Variants in PSG1 observed in about 807,000 individuals in gnomAD.
PSG1 encodes the protein pregnancy-specific beta-1-glycoprotein 1.
In PSG1, 60 loss-of-function variants were observed where a neutral mutation model predicts 41.4. That is an observed-to-expected ratio of 1.45 (90% CI 1.18 to 1.80). PSG1 has a LOEUF of 1.80. Among genes scored for constraint, PSG1 ranks in the 40% most tolerant of loss-of-function variants. PSG1 has a pLI of 0.00. For missense variants in PSG1, 806 were observed against 516.9 expected (o/e 1.56, Z -5.42); for synonymous variants, 256 against 192.9 (o/e 1.33, Z -2.71).
In PSG1 at chr19:42,879,593, C is replaced by G. The variant is rs1327476045; in HGVS notation, c.-12G>C. 4 of 1,609,664 alleles carry G rather than the reference C, an allele frequency of 2.5e-6. No homozygotes were observed. The highest frequency in any genetic ancestry group is 1.3e-5 in the African/African-American group (1 of 74,574). On this transcript the variant is annotated 5_prime_UTR_variant, in exon 1 of 6. Transcript: ENST00000436291. ...GAGAGGGTTCCCATGGTCTCTGCTGCTTGTGTGTTCTCCTCTGTGGAGATA... is the reference window on the plus strand; with the variant it reads ...GAGAGGGTTCCCATGGTCTCTGCTGGTTGTGTGTTCTCCTCTGTGGAGATA...
In PSG1 at chr19:42,866,893, G is replaced by A. The variant is rs1377176581; in HGVS notation, c.*241C>T. 17 of 661,296 alleles carry A rather than the reference G, an allele frequency of 2.6e-5. 2 individuals are homozygous for A. The South Asian group carries it at 2.8e-4, about 11-fold the overall frequency. 41.0% of individuals were successfully genotyped at this position (661,296 alleles called of 1,614,324 possible). On this transcript the variant is annotated 3_prime_UTR_variant, in exon 6 of 6. Coordinates refer to ENST00000436291, the MANE Select transcript of PSG1 (RefSeq NM_001184825.2). ...TGGGGAGTCTTGTTCTGACATCTTG[G>A]GAAAAACTGTCCACAGTGTGAAGTC...
chr19:42,869,469 G>C (rs1445858557), intron 3 of PSG1: 8 of 218,540 alleles, frequency 3.7e-5, no homozygotes, highest in Non-Finnish European at 2.7e-5. Context: ...GGACATTCTA[G>C]AGATGAGTAA....
intron 1 of PSG1, among the ~76,000 whole-genome samples, chr19:42,879,302 A>C (rs916324026): frequency 6.6e-6 from 1 of 151,104 alleles, no homozygotes; most frequent in East Asian, 2.0e-4. Flanking sequence ...ATAGGAGCAC[A>C]CCACCATACC....
chr19:42,868,063 C>A (rs376621024), intron 5 of PSG1, 38 bp downstream of exon 5: 8 of 1,612,010 alleles, frequency 5.0e-6, no homozygotes, highest in South Asian at 2.2e-5. Context: ...TAGACTCCAC[C>A]TAAAACCCTA....
intron 1 of PSG1, chr19:42,878,573 A>C (rs1690132129): frequency 2.4e-6 from 1 of 416,604 alleles, no homozygotes; most frequent in African/African-American, 2.3e-5. Context: ...AGGGGTCCGC[A>C]TGGCCCCCTC....
intron 2 of PSG1, among the ~76,000 whole-genome samples, chr19:42,873,720 G>A (rs553424262): frequency 2.6e-5 from 4 of 151,626 alleles, no homozygotes; most frequent in South Asian, 4.2e-4. Context: ...GGACCGAACT[G>A]GTCAGTGCAT....
At chr19:42,867,371 T>C in intron 5 of PSG1, 1 of 587,902 alleles carries the variant, frequency 1.7e-6, no homozygotes, top group Non-Finnish European at 3.0e-6. Flanking sequence ...CAATGGACCA[T>C]GTAGGCTGTC....
chr19:42,871,023 T>G (rs1456934992), intron 3 of PSG1, among the ~76,000 whole-genome samples: 1 of 151,530 alleles, frequency 6.6e-6, no homozygotes, highest in Non-Finnish European at 1.5e-5. Flanking sequence ...TCCCTCTCCC[T>G]TTGCAGAGGG....
rs752863659 is a variant in PSG1, at chr19:42,871,804, A to T, written c.672T>A (p.Ser224Arg). 5 of 1,612,358 alleles carry T rather than the reference A, an allele frequency of 3.1e-6. No homozygotes were observed. Among genetic ancestry groups the T allele is most frequent in the African/African-American group, 2.7e-5 (2 of 74,666 alleles). The change falls in exon 3 of 6, where the codon AGT (serine) becomes AGA (arginine). Residue 224 changes from serine (S) to arginine (R), a missense_variant. Physicochemically the swap from Ser to Arg is moderately radical, Grantham distance 110. Coordinates refer to ENST00000436291, the MANE Select transcript of PSG1 (RefSeq NM_001184825.2). Reference protein sequence around the residue: ...PYECEIRNPVSASRSDPVTLN... With the variant: ...PYECEIRNPVRASRSDPVTLN... ...GGGTGACTGGGTCACTGCGGCTGGC[A>T]CTCACTGGGTTCCGTATTTCACATT...
intron 2 of PSG1, among the ~76,000 whole-genome samples, chr19:42,877,337 C>A (rs1327947021): frequency 1.3e-5 from 2 of 151,638 alleles, no homozygotes; most frequent in Non-Finnish European, 2.9e-5. Context: ...GTGAAGAAAG[C>A]TCTGTCCTGG....
intron 2 of PSG1, among the ~76,000 whole-genome samples, chr19:42,873,400 G>A (rs1971474907): frequency 6.6e-6 from 1 of 151,568 alleles, no homozygotes; most frequent in Non-Finnish European, 1.5e-5. Flanking sequence ...TGGATTTCTG[G>A]ATTTCCGATG....
intron 5 of PSG1, 46 bp downstream of exon 5, chr19:42,868,055 G>T: frequency 6.2e-7 from 1 of 1,612,068 alleles, no homozygotes. Flanking sequence ...ATGCCAGATA[G>T]ACTCCACCTA....
Position 42,879,629 on chromosome 19 carries a change from C to T in PSG1, c.-48G>A. The T allele has an allele frequency of 6.2e-7, 1 of 1,603,550 alleles. No homozygotes were observed. Among genetic ancestry groups the T allele is most frequent in the Non-Finnish European group, 8.5e-7 (1 of 1,174,048 alleles). ...TCCTCTGTGGAGATAAGCCTAGGAT[C>T]CAGAAACTCTCTGAGCACGGCTGTC... is the stretch of plus-strand genomic sequence containing the variant. On this transcript the variant is annotated 5_prime_UTR_variant, in exon 1 of 6. Transcript: ENST00000436291.
At chr19:42,875,515 G>A (rs1039901585) in intron 2 of PSG1, among the ~76,000 whole-genome samples, 4 of 151,644 alleles carry the variant, frequency 2.6e-5, no homozygotes, top group African/African-American at 7.3e-5. Context: ...TCTGGCAACC[G>A]GCTGACCTCA....
chr19:42,872,054 A>T lies in PSG1; in HGVS notation c.431-9T>A. ...GGGCTTAGGAGTCTCCACTGTGCAG[A>T]AAACAGGGTGAAGATTGCCGTGTGT... On this transcript the variant is annotated splice_polypyrimidine_tract_variant and intron_variant, in intron 2 of 5. Transcript: ENST00000436291. 1.2e-6 allele frequency: 2 copies of T among 1,606,516 alleles called. No homozygotes were observed. The highest frequency in any genetic ancestry group is 8.5e-7 in the Non-Finnish European group (1 of 1,176,044).
chr19:42,872,878 C>T (rs190003542), intron 2 of PSG1, among the ~76,000 whole-genome samples: 3 of 151,764 alleles, frequency 2.0e-5, no homozygotes, highest in Non-Finnish European at 2.9e-5. Context: ...GTGGAAAGGG[C>T]GATCATGAAC....
intron 5 of PSG1, chr19:42,867,647 T>C: frequency 1.3e-6 from 1 of 746,266 alleles, no homozygotes; most frequent in South Asian, 1.5e-5. Context: ...ATATCAATTC[T>C]CATGAATAGT....
rs1051762074 is a variant in PSG1 at position 42,866,600 on chromosome 19, A to G, written c.*534T>C. ...ACTCTATTATAATTTCAGCTTTCCT[A>G]CGTCTTCATACAAACCATCTTCTCT... On this transcript the variant is annotated 3_prime_UTR_variant, in exon 6 of 6. Coordinates refer to ENST00000436291, the MANE Select transcript of PSG1 (RefSeq NM_001184825.2). 1.9e-5 allele frequency: 4 copies of G among 210,196 alleles called. No homozygotes were observed. The highest frequency in any genetic ancestry group is 1.1e-4 in the Admixed American group (2 of 19,030). The allele number at this position is 210,196 out of a possible 1,614,324, so 13.0% of individuals were successfully genotyped here. A position where few individuals can be genotyped will look rare whatever the true frequency, so the allele number is the denominator to read the frequency against.
At chr19:42,877,497 A>T (rs973219814) in intron 2 of PSG1, among the ~76,000 whole-genome samples, 13 of 151,748 alleles carry the variant, frequency 8.6e-5, no homozygotes, top group Admixed American at 4.6e-4. Context: ...TTTATCTGGA[A>T]CAAGGATTTA....
Sources: allele counts gnomAD v4.1 joint callset (sites outside exome capture counted in the v4.1 genomes callset), GRCh38; gene constraint gnomAD v4.1.1; transcripts MANE v1.5; gene names NCBI Gene and HGNC (gene_info 2026-07-23, HGNC 2026-07-21).